Variants in GRID2 observed in about 807,000 individuals in gnomAD.
GRID2 encodes glutamate ionotropic receptor delta type subunit 2.
In GRID2, 33 loss-of-function variants were observed where a neutral mutation model predicts 114.8. That is an observed-to-expected ratio of 0.29 (90% CI 0.22 to 0.38). GRID2 has a LOEUF of 0.38. Ranked by LOEUF, GRID2 falls within the 10% of genes least tolerant of loss-of-function variation. The probability of loss-of-function intolerance (pLI) is 1.00; values close to 1 mark genes in which losing one functional copy is unlikely to be tolerated. For missense variants in GRID2, 1,184 were observed against 1,257.7 expected, an observed-to-expected ratio of 0.94 and a Z score of 0.89; for synonymous variants, 505 against 449.9, an observed-to-expected ratio of 1.12 and a Z score of -1.55.
At chr4:93,227,813 C>T (rs1745672385) in intron 7 of GRID2, among the ~76,000 whole-genome samples, 2 of 152,182 alleles carry the variant, frequency 1.3e-5, no homozygotes, top group Non-Finnish European at 1.5e-5. Context: ...GCAAGGATGG[C>T]TTTCAATCCA....
intron 8 of GRID2, among the ~76,000 whole-genome samples, chr4:93,246,361 G>A (rs1748201280): frequency 6.6e-6 from 1 of 152,210 alleles, no homozygotes; most frequent in South Asian, 2.1e-4. Context: ...GCCGAAGCAG[G>A]TGGATCACGA....
rs1298165197 is a variant in GRID2, at chr4:93,593,861, T to G, written c.2194-32408T>G. ...GTTGATCGCATCGGCTCCTGAGGCTTCTGCATTCTTCACGTAGTTCTCGAG... is the reference window on the plus strand; with the variant it reads ...GTTGATCGCATCGGCTCCTGAGGCTGCTGCATTCTTCACGTAGTTCTCGAG... On this transcript the variant is annotated intron_variant, in intron 13 of 15. Coordinates refer to ENST00000282020, the MANE Select transcript of GRID2 (RefSeq NM_001510.4). Among the ~76,000 whole-genome samples, 56 of 152,244 alleles carry G rather than the reference T, an allele frequency of 3.7e-4. 1 individual carries two copies. Among genetic ancestry groups the G allele is most frequent in the Non-Finnish European group, 4.4e-5 (3 of 68,016 alleles).
chr4:92,644,879 G>A (rs1260933066), intron 2 of GRID2, among the ~76,000 whole-genome samples: 2 of 151,250 alleles, frequency 1.3e-5, no homozygotes, highest in African/African-American at 4.8e-5. Context: ...TGATTTATGT[G>A]CAACAGATAT....
chr4:92,597,883 G>A (rs1729028431), intron 2 of GRID2, among the ~76,000 whole-genome samples: 1 of 152,150 alleles, frequency 6.6e-6, no homozygotes, highest in Non-Finnish European at 1.5e-5. Context: ...TTAAGTTCAT[G>A]TTGACAAACC....
intron 14 of GRID2, among the ~76,000 whole-genome samples, chr4:93,744,812 A>G (rs932108105): frequency 3.3e-5 from 5 of 152,140 alleles, no homozygotes; most frequent in Admixed American, 6.6e-5. Flanking sequence ...AGGAATAAGA[A>G]TTGATACAGC....
intron 13 of GRID2, among the ~76,000 whole-genome samples, chr4:93,606,429 G>A (rs547726497): frequency 2.6e-5 from 4 of 152,140 alleles, no homozygotes; most frequent in Admixed American, 2.6e-4. Flanking sequence ...TGTTCATGAA[G>A]GTGAGCCCAA....
rs181023055 is a variant in GRID2, at chr4:92,794,689, G to C, written c.244+204403G>C. ...AAGAAAAGTAAAAAGAAGGAATAGAGATATCCAAATTCTGATATTCTAATA... is the reference window on the plus strand; with the variant it reads ...AAGAAAAGTAAAAAGAAGGAATAGACATATCCAAATTCTGATATTCTAATA... On this transcript the variant is annotated intron_variant, in intron 2 of 15. Coordinates refer to ENST00000282020, the MANE Select transcript of GRID2 (RefSeq NM_001510.4). Among the ~76,000 whole-genome samples the C allele has an allele frequency of 3.4e-3, 513 of 151,212 alleles. 3 individuals carry two copies. Among genetic ancestry groups the C allele is most frequent in the Non-Finnish European group, 4.8e-3 (328 of 67,750 alleles).
At chr4:93,304,867 A>T (rs1755258546) in intron 8 of GRID2, among the ~76,000 whole-genome samples, 1 of 152,186 alleles carries the variant, frequency 6.6e-6, no homozygotes. Context: ...TAGTTAACAG[A>T]GAGTGCAATT....
chr4:92,964,013 A>T (rs1752980998), intron 2 of GRID2, among the ~76,000 whole-genome samples: 1 of 152,008 alleles, frequency 6.6e-6, no homozygotes, highest in Non-Finnish European at 1.5e-5. Flanking sequence ...TTTTCTGAGC[A>T]CCAGTTCGCA....
intron 2 of GRID2, among the ~76,000 whole-genome samples, chr4:92,650,927 T>A (rs2149261603): frequency 6.6e-6 from 1 of 152,020 alleles, no homozygotes; most frequent in African/African-American, 2.4e-5. Context: ...AATTGGAACT[T>A]GAGTCTTAAA....
chr4:93,749,020 T>C (rs1389002616), intron 14 of GRID2, among the ~76,000 whole-genome samples: 1 of 151,676 alleles, frequency 6.6e-6, no homozygotes, highest in Non-Finnish European at 1.5e-5. Flanking sequence ...AACTACTGAC[T>C]TTGTCTTGAT....
intron 12 of GRID2, among the ~76,000 whole-genome samples, chr4:93,506,740 A>T (rs1285839849): frequency 2.0e-5 from 3 of 152,160 alleles, no homozygotes; most frequent in Admixed American, 2.0e-4. Flanking sequence ...AGAAGGCTTC[A>T]TTTGAAAAGT....
chr4:93,684,794 T>C (rs1372367569), intron 14 of GRID2, among the ~76,000 whole-genome samples: 1 of 152,104 alleles, frequency 6.6e-6, no homozygotes, highest in Non-Finnish European at 1.5e-5. Context: ...CTTAGCACAG[T>C]TCTTCCCAAA....
chr4:93,523,287 T>G (rs1730513903), intron 13 of GRID2, among the ~76,000 whole-genome samples: 1 of 152,100 alleles, frequency 6.6e-6, no homozygotes, highest in Non-Finnish European at 1.5e-5. Context: ...ATGGAGGTTA[T>G]AGGTAAGGTG....
chr4:92,892,058 T>TG (rs1187562941), intron 2 of GRID2, among the ~76,000 whole-genome samples: 2 of 152,226 alleles, frequency 1.3e-5, no homozygotes, highest in South Asian at 2.1e-4. Flanking sequence ...GCTGGTTTTT[T>TG]TTTTTGTTTT....
intron 2 of GRID2, among the ~76,000 whole-genome samples, chr4:92,786,628 A>G (rs1324921945): frequency 6.6e-6 from 1 of 151,972 alleles, no homozygotes; most frequent in East Asian, 1.9e-4. Context: ...AAATGTGAAT[A>G]TAAAGGTAGA....
At chr4:92,551,286 G>GTT (rs1401164296) in intron 1 of GRID2, among the ~76,000 whole-genome samples, 1 of 149,994 alleles carries the variant, frequency 6.7e-6, no homozygotes, top group Admixed American at 6.6e-5. Flanking sequence ...GTGTGTGTGT[G>GTT]TGTACACGCA....
intron 2 of GRID2, among the ~76,000 whole-genome samples, chr4:92,815,732 A>G (rs556475663): frequency 1.1e-3 from 167 of 151,418 alleles, no homozygotes; most frequent in Non-Finnish European, 2.0e-3. Flanking sequence ...GGGCAACATG[A>G]TGATACTTCA....
intron 3 of GRID2, among the ~76,000 whole-genome samples, chr4:93,088,689 C>A (rs896404074): frequency 6.6e-6 from 1 of 152,088 alleles, no homozygotes; most frequent in Non-Finnish European, 1.5e-5. Context: ...AAAATAATAT[C>A]TCTGAGCATT....
Sources: allele counts gnomAD v4.1 joint callset (sites outside exome capture counted in the v4.1 genomes callset), GRCh38; gene constraint gnomAD v4.1.1; transcripts MANE v1.5; gene names NCBI Gene and HGNC (gene_info 2026-07-23, HGNC 2026-07-21).